Variants in VWA8 observed in about 807,000 individuals in gnomAD.
VWA8 encodes von Willebrand factor A domain-containing protein 8.
Under a neutral mutation model 241.5 loss-of-function variants are expected in VWA8, and 221 were observed. The observed-to-expected ratio is 0.91, with a 90% CI of 0.82 to 1.02. The LOEUF (loss-of-function observed/expected upper bound fraction) is 1.02, where lower values mean the gene tolerates loss of function less well. Ranked by LOEUF, VWA8 falls within the 50% of genes least tolerant of loss-of-function variation. The pLI, the probability that VWA8 is intolerant of heterozygous loss-of-function variation, is 0.00. For synonymous variants in VWA8, 852 were observed against 827.1 expected, an observed-to-expected ratio of 1.03 and a Z score of -0.52; for missense variants, 2,322 against 2,328.7, an observed-to-expected ratio of 1.00 and a Z score of 0.06.
intron 9 of VWA8, among the ~76,000 whole-genome samples, chr13:41,872,548 A>G (rs1489905197): frequency 1.3e-5 from 2 of 152,174 alleles, no homozygotes; most frequent in African/African-American, 4.8e-5. Flanking sequence ...TCCCAGCACC[A>G]TTTATTAAAT....
At chr13:41,857,218 C>T (rs578028893) in intron 12 of VWA8, among the ~76,000 whole-genome samples, 1 of 152,186 alleles carries the variant, frequency 6.6e-6, no homozygotes, top group African/African-American at 2.4e-5. Flanking sequence ...GATAAGATTT[C>T]TTCATTATAT....
intron 9 of VWA8, among the ~76,000 whole-genome samples, chr13:41,875,028 A>G (rs1372426057): frequency 6.6e-6 from 1 of 152,152 alleles, no homozygotes; most frequent in Non-Finnish European, 1.5e-5. Flanking sequence ...GGCTCACTCC[A>G]AATTTCCAGA....
intron 37 of VWA8, among the ~76,000 whole-genome samples, chr13:41,640,345 G>C (rs1275037208): frequency 6.6e-6 from 1 of 152,256 alleles, no homozygotes; most frequent in East Asian, 1.9e-4. Context: ...GACCCAAATA[G>C]CTCATAGGCA....
At chr13:41,776,702 A>G (rs1868612137) in intron 20 of VWA8, among the ~76,000 whole-genome samples, 1 of 152,154 alleles carries the variant, frequency 6.6e-6, no homozygotes, top group Non-Finnish European at 1.5e-5. Flanking sequence ...AAGGGACCAT[A>G]CTATTTTTAT....
At chr13:41,951,269 T>A (rs962421568) in intron 1 of VWA8, among the ~76,000 whole-genome samples, 1 of 151,902 alleles carries the variant, frequency 6.6e-6, no homozygotes, top group African/African-American at 2.4e-5. Flanking sequence ...ATACAAAAAT[T>A]AGCTGGGCGT....
intron 37 of VWA8, among the ~76,000 whole-genome samples, chr13:41,663,150 A>G (rs2044963300): frequency 6.6e-6 from 1 of 152,118 alleles, no homozygotes; most frequent in African/African-American, 2.4e-5. Context: ...TGCTTGTTCC[A>G]CTGTATTCAG....
chr13:41,775,248 T>C (rs1339346341), intron 20 of VWA8, among the ~76,000 whole-genome samples: 1 of 152,194 alleles, frequency 6.6e-6, no homozygotes. Context: ...TCCTTCAACA[T>C]TGGTATTATA....
chr13:41,902,246 C>A lies in VWA8; in HGVS notation c.483+5340G>T, dbSNP rs558771692. On this transcript the variant is annotated intron_variant, in intron 4 of 44. Coordinates refer to ENST00000379310, the MANE Select transcript of VWA8 (RefSeq NM_015058.2). ...CATATCTTTGAGTAACATCTAATGT[C>A]AAAAGGAGATGCTCCTGATAAAATG... is the stretch of plus-strand genomic sequence containing the variant. Among the ~76,000 whole-genome samples the A allele has an allele frequency of 6.6e-5, 10 of 152,054 alleles. No individual in the cohort carries two copies. In the South Asian group the frequency reaches 1.9e-3, roughly 28 times the overall value.
chr13:41,813,395 T>C (rs1365145662), intron 16 of VWA8, among the ~76,000 whole-genome samples: 1 of 141,860 alleles, frequency 7.0e-6, no homozygotes, highest in Non-Finnish European at 1.6e-5. Context: ...GAAACATGTA[T>C]TGAGGATAAA....
intron 4 of VWA8, among the ~76,000 whole-genome samples, chr13:41,900,489 G>A (rs1298266105): frequency 1.3e-5 from 2 of 152,072 alleles, no homozygotes; most frequent in Non-Finnish European, 2.9e-5. Context: ...TCAACACATG[G>A]ACATGAAAGA....
At chr13:41,830,174 C>T (rs1412431692) in intron 14 of VWA8, among the ~76,000 whole-genome samples, 6 of 148,186 alleles carry the variant, frequency 4.0e-5, no homozygotes, top group Non-Finnish European at 8.9e-5. Flanking sequence ...ACCTGGGAGG[C>T]GGAGCTTGCA....
chr13:41,914,867 C>A (rs1876179818), intron 2 of VWA8, among the ~76,000 whole-genome samples: 2 of 152,154 alleles, frequency 1.3e-5, no homozygotes, highest in Non-Finnish European at 2.9e-5. Flanking sequence ...AACTTCCTCC[C>A]ACCTTTTATT....
intron 9 of VWA8, among the ~76,000 whole-genome samples, chr13:41,879,846 G>A (rs763216556): frequency 4.6e-5 from 7 of 152,158 alleles, no homozygotes; most frequent in Non-Finnish European, 8.8e-5. Context: ...CTGGCCTCCA[G>A]AAACTGAAGG....
rs574293686 is a variant in VWA8 at position 41,888,024 on chromosome 13, A to G, written c.652-663T>C. 2.5e-3 allele frequency among the ~76,000 whole-genome samples: 377 copies of G among 152,346 alleles called. 3 individuals are homozygous for G. The highest frequency in any genetic ancestry group is 8.8e-3 in the African/African-American group (365 of 41,580). On this transcript the variant is annotated intron_variant, in intron 5 of 44. Coordinates refer to ENST00000379310, the MANE Select transcript of VWA8 (RefSeq NM_015058.2). The stretch of plus-strand genomic sequence containing the variant: ...TTTTAGAGTCACAAATCCTGGCTCA[A>G]CTGCTTGATGTACACTTTTACTAAA...
chr13:41,871,715 T>C (rs1196690531), intron 9 of VWA8, among the ~76,000 whole-genome samples: 3 of 152,176 alleles, frequency 2.0e-5, no homozygotes, highest in Non-Finnish European at 4.4e-5. Context: ...TTGTTGGACA[T>C]TTGGGTTGGT....
At chr13:41,891,866 T>C (rs772745928) in intron 4 of VWA8, among the ~76,000 whole-genome samples, 1 of 152,094 alleles carries the variant, frequency 6.6e-6, no homozygotes, top group Non-Finnish European at 1.5e-5. Flanking sequence ...ATATACCCAA[T>C]GAAATAAAAA....
At chr13:41,888,516 C>A (rs17534895) in intron 5 of VWA8, among the ~76,000 whole-genome samples, 1,763 of 152,266 alleles carry the variant, frequency 0.012, 20 homozygotes, top group Middle Eastern at 0.048. Flanking sequence ...GCTGCTTCAC[C>A]AACACTACTC....
At chr13:41,812,316 T>C (rs932035963) in intron 16 of VWA8, among the ~76,000 whole-genome samples, 3 of 152,192 alleles carry the variant, frequency 2.0e-5, no homozygotes, top group Non-Finnish European at 2.9e-5. Flanking sequence ...AGATTATTAC[T>C]GGCCTAATTC....
intron 21 of VWA8, among the ~76,000 whole-genome samples, chr13:41,738,919 C>T (rs770985463): frequency 1.1e-4 from 16 of 152,204 alleles, no homozygotes; most frequent in South Asian, 6.2e-4. Context: ...GTATCCACTG[C>T]ATAAATCTTT....
Sources: allele counts gnomAD v4.1 joint callset (sites outside exome capture counted in the v4.1 genomes callset), GRCh38; gene constraint gnomAD v4.1.1; transcripts MANE v1.5; gene names NCBI Gene and HGNC (gene_info 2026-07-23, HGNC 2026-07-21).